The following SLC39A5 variants were observed in gnomAD, a reference collection of about 807,000 sequenced individuals.
SLC39A5 encodes solute carrier family 39 member 5.
Under a neutral mutation model 46.9 loss-of-function variants are expected in SLC39A5, and 42 were observed. The observed-to-expected ratio is 0.90, with a 90% CI of 0.70 to 1.16. The LOEUF (loss-of-function observed/expected upper bound fraction) is 1.16, where lower values mean the gene tolerates loss of function less well. Among genes scored for constraint, SLC39A5 ranks in the 50% most tolerant of loss-of-function variants. The probability of loss-of-function intolerance (pLI) is 0.00; values close to 1 mark genes in which losing one functional copy is unlikely to be tolerated. For synonymous variants in SLC39A5, 311 were observed against 323.1 expected (o/e 0.96, Z 0.40); for missense variants, 677 against 686.8 (o/e 0.99, Z 0.16).
Position 56,232,884 on chromosome 12 carries a change from G to A in SLC39A5, c.471+12G>A, listed in dbSNP as rs747310354. 1.6e-5 allele frequency: 25 copies of A among 1,600,776 alleles called. No individual in the cohort carries two copies. The East Asian group carries it at 1.6e-4, about 10-fold the overall frequency. ...ACCTGAATGAGGATGTGAGTCTGAC[G>A]GTCTCTAGAGGGGAAGGAGCCATGG... On this transcript the variant is annotated intron_variant, in intron 5 of 12. Transcript: ENST00000454355.
chr12:56,231,901 A>T (rs1052738806), intron 4 of SLC39A5, among the ~76,000 whole-genome samples: 11 of 151,688 alleles, frequency 7.3e-5, no homozygotes, highest in East Asian at 5.8e-4. Flanking sequence ...AATTTTAAAA[A>T]TTTTTTACAG....
chr12:56,235,467 G>A, intron 7 of SLC39A5, 93 bp from the exon 8 acceptor site: 4 of 1,528,786 alleles, frequency 2.6e-6, no homozygotes, highest in Non-Finnish European at 1.7e-6. Context: ...CCTTCTAGTA[G>A]AGCATATGAG....
chr12:56,236,949 G>C lies in SLC39A5; in HGVS notation c.1226G>C (p.Gly409Ala), dbSNP rs1344850691. The C allele has an allele frequency of 1.2e-6, 2 of 1,614,014 alleles. No homozygotes were observed. Among genetic ancestry groups the C allele is most frequent in the African/African-American group, 2.7e-5 (2 of 74,940 alleles). Residue 409 changes from glycine to alanine, a missense_variant, in exon 11 of 13, where the codon GGC (glycine) becomes GCC (alanine). Coordinates refer to ENST00000454355, the MANE Select transcript of SLC39A5 (RefSeq NM_173596.3). ...GCCCCAGGTGCTGCCTTCTCTGATGGCTTCTCCAGCGGCCTCAGTACCACC... is the reference window on the plus strand; with the variant it reads ...GCCCCAGGTGCTGCCTTCTCTGATGCCTTCTCCAGCGGCCTCAGTACCACC... Reference protein sequence around the residue: ...GLAIGAAFSDGFSSGLSTTLA... With the variant: ...GLAIGAAFSDAFSSGLSTTLA...
At chr12:56,231,039 C>A in intron 3 of SLC39A5, 165 bp from the exon 4 acceptor site, 1 of 503,670 alleles carries the variant, frequency 2.0e-6, no homozygotes, top group South Asian at 3.3e-5. Context: ...CAGGAACCAG[C>A]AAACAAGAGG....
At chr12:56,235,906 G>A in intron 8 of SLC39A5, 1 of 590,928 alleles carries the variant, frequency 1.7e-6, no homozygotes. Flanking sequence ...AGCTGGGCGT[G>A]GTGGTGCGTG....
chr12:56,236,243 G>A (rs1032077599), intron 8 of SLC39A5, among the ~76,000 whole-genome samples, 153 bp from the exon 9 acceptor site: 2 of 152,198 alleles, frequency 1.3e-5, no homozygotes, highest in Non-Finnish European at 2.9e-5. Flanking sequence ...AAACAGAGGG[G>A]AGGTGCCAAC....
At chr12:56,234,732 T>G in intron 5 of SLC39A5, 92 bp from the exon 6 acceptor site, 35 of 1,380,490 alleles carry the variant, frequency 2.5e-5, no homozygotes, top group Non-Finnish European at 3.3e-5. Flanking sequence ...AGGGCTGGGA[T>G]TATAGGTGTG....
chr12:56,234,768 A>C, intron 5 of SLC39A5, 56 bp from the exon 6 acceptor site: 1 of 1,597,302 alleles, frequency 6.3e-7, no homozygotes, highest in Non-Finnish European at 8.6e-7. Flanking sequence ...CCAGGTGTTA[A>C]AGATCTGAGT....
chr12:56,233,461 TA>T (rs1021431697), intron 5 of SLC39A5, among the ~76,000 whole-genome samples: 2 of 147,302 alleles, frequency 1.4e-5, no homozygotes, highest in African/African-American at 2.5e-5. Flanking sequence ...AAAATGAAAA[TA>T]AAAAAAATAA....
At chr12:56,234,429 C>G (rs1870525099) in intron 5 of SLC39A5, among the ~76,000 whole-genome samples, 1 of 151,582 alleles carries the variant, frequency 6.6e-6, no homozygotes. Flanking sequence ...ATTCTCCTGT[C>G]TCAGCCTCCT....
chr12:56,232,690 C>A lies in SLC39A5; in HGVS notation c.289C>A (p.Pro97Thr). The A allele has an allele frequency of 6.3e-7, 1 of 1,599,978 alleles. No homozygotes were observed. The highest frequency in any genetic ancestry group is 2.3e-5 in the East Asian group (1 of 43,084). ...SPAADNSTHRPQNPELSVDVW... is the reference protein window; with the variant it reads ...SPAADNSTHRTQNPELSVDVW... The stretch of plus-strand genomic sequence containing the variant: ...GACTTGCTGTCTCATCCATTCCAGG[C>A]CACAGAACCCTGAGCTGAGTGTGGA... Residue 97 changes from proline (P) to threonine (T), a missense_variant and splice_region_variant, in exon 5 of 13, where the codon CCA becomes ACA. Transcript: ENST00000454355.
rs752749017 is a variant in SLC39A5, at chr12:56,235,223, T to G, written c.701T>G (p.Leu234Arg). The G allele has an allele frequency of 1.1e-5, 18 of 1,584,024 alleles. No individual in the cohort carries two copies. The highest frequency in any genetic ancestry group is 1.5e-5 in the Non-Finnish European group (18 of 1,166,714). The change falls in exon 7 of 13, where the codon CTG (leucine) becomes CGG (arginine). Residue 234 changes from leucine to arginine, a missense_variant. Physicochemically the swap from Leu to Arg is moderately radical, Grantham distance 102. Transcript: ENST00000454355. ...CCTTCTCCCCTATCCCTGCTGCTGC[T>G]GCGGCTCCTGGGACCTCGTCTACTA... ...SLPSPLSLLL[L>R]RLLGPRLLRP...
intron 4 of SLC39A5, 25 bp downstream of exon 4, chr12:56,231,586 C>G: frequency 6.6e-7 from 1 of 1,514,434 alleles, no homozygotes. Context: ...CTCCACTCCA[C>G]AGGGCCACAT....
chr12:56,237,100 G>T, intron 11 of SLC39A5, 50 bp from the exon 12 acceptor site: 1 of 1,612,164 alleles, frequency 6.2e-7, no homozygotes, highest in Non-Finnish European at 8.5e-7. Flanking sequence ...TGGCATGGAT[G>T]AGGGGCACCC....
intron 4 of SLC39A5, 24 bp from the exon 5 acceptor site, chr12:56,232,665 G>A (rs1325885649): frequency 6.4e-7 from 1 of 1,573,704 alleles, no homozygotes; most frequent in Non-Finnish European, 8.6e-7. Context: ...AAGGGAGGCT[G>A]ACTTGCTGTC....
chr12:56,235,744 C>CA (rs1870688905), intron 8 of SLC39A5, 44 bp downstream of exon 8: 1 of 1,610,724 alleles, frequency 6.2e-7, no homozygotes, highest in Non-Finnish European at 8.5e-7. Context: ...GACCAGAGTC[C>CA]CAGTCAAGAA....
Position 56,235,540 on chromosome 12 carries a change from C to T in SLC39A5, c.805-20C>T. 6.2e-7 allele frequency: 1 copy of T among 1,612,294 alleles called. No homozygotes were observed. ...GGGTATAGGGGCTTCCAGAGTCTGC[C>T]CTGACCTTCTCTCTGTCAGGCACAA... On this transcript the variant is annotated intron_variant, in intron 7 of 12. Coordinates refer to ENST00000454355, the MANE Select transcript of SLC39A5 (RefSeq NM_173596.3).
intron 5 of SLC39A5, 21 bp from the exon 6 acceptor site, chr12:56,234,803 G>A (rs751983769): frequency 2.0e-5 from 33 of 1,612,920 alleles, no homozygotes; most frequent in African/African-American, 2.7e-5. Flanking sequence ...ATTCTCCAAT[G>A]TATGACCCTC....
At chr12:56,231,637 C>G in intron 4 of SLC39A5, 76 bp downstream of exon 4, 4 of 1,444,974 alleles carry the variant, frequency 2.8e-6, no homozygotes, top group Non-Finnish European at 3.7e-6. Context: ...TTGCCTCGTT[C>G]TGGCTTCCTC....
Sources: allele counts gnomAD v4.1 joint callset (sites outside exome capture counted in the v4.1 genomes callset), GRCh38; gene constraint gnomAD v4.1.1; transcripts MANE v1.5; gene names NCBI Gene and HGNC (gene_info 2026-07-23, HGNC 2026-07-21).